The following KIF6 variants were observed in gnomAD, a reference collection of about 807,000 sequenced individuals.
KIF6 encodes the protein kinesin family member 6, also known as kinesin-like protein KIF6.
A neutral mutation model predicts 112.7 loss-of-function variants in KIF6; 106 were observed. The ratio of observed to expected loss-of-function variants is 0.94; its 90% CI spans 0.80 to 1.11. The LOEUF (loss-of-function observed/expected upper bound fraction) is 1.11. KIF6 is among the 50% of genes least tolerant of loss of function. The probability of loss-of-function intolerance (pLI) is 0.00; values close to 1 mark genes in which losing one functional copy is unlikely to be tolerated. For synonymous variants in KIF6, 339 were observed against 339.9 expected (o/e 1.00, Z 0.03); for missense variants, 929 against 964.0 (o/e 0.96, Z 0.48).
At chr6:39,523,926 G>T (rs1485037938) in intron 13 of KIF6, among the ~76,000 whole-genome samples, 1 of 151,682 alleles carries the variant, frequency 6.6e-6, no homozygotes, top group Non-Finnish European at 1.5e-5. Context: ...TGAATTCAAT[G>T]AATTTTTATT....
intron 22 of KIF6, among the ~76,000 whole-genome samples, chr6:39,336,898 C>CCTTCCCTTT (rs60374477): frequency 4.6e-4 from 69 of 149,840 alleles, no homozygotes; most frequent in Middle Eastern, 6.9e-3. Context: ...TCCTTCCCTT[C>CCTTCCCTTT]CTTCCCTTTC....
chr6:39,596,870 T>G (rs1206735669), intron 6 of KIF6, among the ~76,000 whole-genome samples: 1 of 152,164 alleles, frequency 6.6e-6, no homozygotes, highest in African/African-American at 2.4e-5. Context: ...AACTAAAAAG[T>G]TTAGCATGGT....
chr6:39,656,648 A>G (rs760520695), intron 3 of KIF6, among the ~76,000 whole-genome samples: 3 of 152,122 alleles, frequency 2.0e-5, no homozygotes, highest in Non-Finnish European at 4.4e-5. Context: ...TCATATTTCA[A>G]TTTAAGTTGT....
At chr6:39,368,794 C>G (rs1562140669) in intron 16 of KIF6, among the ~76,000 whole-genome samples, 1 of 152,206 alleles carries the variant, frequency 6.6e-6, no homozygotes, top group African/African-American at 2.4e-5. Flanking sequence ...GTTGAAATTT[C>G]CAAGCATTCA....
At chr6:39,350,550 G>A (rs1282055394) in intron 19 of KIF6, among the ~76,000 whole-genome samples, 1 of 152,160 alleles carries the variant, frequency 6.6e-6, no homozygotes, top group Non-Finnish European at 1.5e-5. Context: ...AAGGCTACGA[G>A]ATATTATTGC....
intron 5 of KIF6, among the ~76,000 whole-genome samples, chr6:39,613,756 C>G (rs1453018840): frequency 6.6e-6 from 1 of 152,178 alleles, no homozygotes; most frequent in Non-Finnish European, 1.5e-5. Context: ...ACATTTCAAA[C>G]TGGTTCACTT....
chr6:39,396,130 G>A (rs943870255), intron 15 of KIF6, among the ~76,000 whole-genome samples: 4 of 152,204 alleles, frequency 2.6e-5, no homozygotes, highest in Non-Finnish European at 5.9e-5. Flanking sequence ...TCATGATGTG[G>A]GAATTGTTCT....
intron 3 of KIF6, among the ~76,000 whole-genome samples, chr6:39,672,993 C>T (rs1017087505): frequency 1.3e-5 from 2 of 152,130 alleles, no homozygotes; most frequent in African/African-American, 4.8e-5. Flanking sequence ...AGAAAATAGG[C>T]AGGAGCAAAA....
At chr6:39,597,097 C>T (rs982185412) in intron 6 of KIF6, among the ~76,000 whole-genome samples, 9 of 151,828 alleles carry the variant, frequency 5.9e-5, no homozygotes, top group Non-Finnish European at 1.2e-4. Context: ...ATTAATGCAC[C>T]ATTTCATAGA....
intron 3 of KIF6, among the ~76,000 whole-genome samples, chr6:39,647,717 T>C (rs1460006989): frequency 6.6e-6 from 1 of 151,178 alleles, no homozygotes; most frequent in East Asian, 1.9e-4. Flanking sequence ...TTTTTTTTTT[T>C]TTTTTTTGAG....
At chr6:39,426,643 C>T (rs564855108) in intron 14 of KIF6, among the ~76,000 whole-genome samples, 4 of 151,982 alleles carry the variant, frequency 2.6e-5, no homozygotes, top group African/African-American at 7.3e-5. Flanking sequence ...CCCAGCTACT[C>T]GGTAGGCTGA....
chr6:39,630,682 T>G (rs983774764), intron 5 of KIF6, among the ~76,000 whole-genome samples: 8 of 152,056 alleles, frequency 5.3e-5, no homozygotes, highest in Admixed American at 2.0e-4. Flanking sequence ...CCGGTATTAT[T>G]GCAATTGGCT....
At chr6:39,579,458 C>T (rs1781166539) in intron 9 of KIF6, among the ~76,000 whole-genome samples, 1 of 152,000 alleles carries the variant, frequency 6.6e-6, no homozygotes. Flanking sequence ...TAGCTTCTTT[C>T]TATATTCTGG....
At chr6:39,444,334 T>C (rs762258670) in intron 13 of KIF6, among the ~76,000 whole-genome samples, 7 of 152,186 alleles carry the variant, frequency 4.6e-5, no homozygotes. Flanking sequence ...TGCATATATT[T>C]AAGGTTTACA....
At chr6:39,460,919 G>C (rs370539440) in intron 13 of KIF6, among the ~76,000 whole-genome samples, 1 of 152,238 alleles carries the variant, frequency 6.6e-6, no homozygotes, top group African/African-American at 2.4e-5. Flanking sequence ...AACATGGCAG[G>C]CTTCAACTCA....
At position 39,684,948 on chromosome 6, in the gene KIF6, C is replaced by A. The variant is rs1188792253; in HGVS notation, c.251+29744G>T. On this transcript the variant is annotated intron_variant, in intron 3 of 22. Coordinates refer to ENST00000287152, the MANE Select transcript of KIF6 (RefSeq NM_145027.6). ...ACATGAGTATCACTAATGACTCTAA[C>A]AAGCAAAAGCAGTCTCAGCAGGGCA... Among the ~76,000 whole-genome samples, 4 of 152,240 alleles carry A rather than the reference C, an allele frequency of 2.6e-5. No individual in the cohort carries two copies. In the East Asian group the frequency reaches 5.8e-4, roughly 22 times the overall value.
At chr6:39,387,008 CA>C (rs1767486705) in intron 15 of KIF6, among the ~76,000 whole-genome samples, 1 of 152,154 alleles carries the variant, frequency 6.6e-6, no homozygotes, top group Non-Finnish European at 1.5e-5. Flanking sequence ...GAAGCAGTCA[CA>C]AGAGACTTTA....
rs1189668833 is a variant in KIF6 at position 39,378,932 on chromosome 6, G to T, written c.1861+6690C>A. On this transcript the variant is annotated intron_variant, in intron 16 of 22. Transcript: ENST00000287152. The surrounding 1 kb of genome is among the most constrained non-coding windows in gnomAD (Gnocchi z 5.0). The stretch of plus-strand genomic sequence containing the variant: ...GGCCGCTCACATAAACGCTTTCAGT[G>T]AGCTATGCTTTAATGTCAGGCCTCT... Among the ~76,000 whole-genome samples the T allele has an allele frequency of 6.6e-6, 1 of 152,164 alleles. No homozygotes were observed. Among genetic ancestry groups the T allele is most frequent in the East Asian group, 1.9e-4 (1 of 5,194 alleles).
At chr6:39,357,415 C>A in intron 18 of KIF6, 41 bp from the exon 19 acceptor site, 90 of 1,017,848 alleles carry the variant, frequency 8.8e-5, no homozygotes, top group Non-Finnish European at 1.3e-4. Flanking sequence ...TAGCTTGAAT[C>A]TAATGACATA....
Sources: allele counts gnomAD v4.1 joint callset (sites outside exome capture counted in the v4.1 genomes callset), GRCh38; gene constraint gnomAD v4.1.1; non-coding constraint Gnocchi (gnomAD v3.1); transcripts MANE v1.5; gene names NCBI Gene and HGNC (gene_info 2026-07-23, HGNC 2026-07-21).